Variants in P2RX3 observed in about 807,000 individuals in gnomAD.
P2RX3 encodes the protein purinergic receptor P2X 3, also known as P2X purinoceptor 3.
P2RX3 carries 41 observed loss-of-function variants against 51.5 expected under a neutral mutation model. The observed-to-expected ratio is 0.80, with a 90% confidence interval of 0.62 to 1.03. P2RX3 has a LOEUF of 1.03. Among genes scored for constraint, P2RX3 ranks in the 50% least tolerant of loss-of-function variants. P2RX3 has a pLI of 0.00. For missense variants in P2RX3, 459 were observed against 522.1 expected (o/e 0.88, Z 1.18); for synonymous variants, 185 against 191.6 (o/e 0.97, Z 0.29).
chr11:57,363,335 A>G (rs1410528942), intron 8 of P2RX3, among the ~76,000 whole-genome samples: 2 of 152,128 alleles, frequency 1.3e-5, no homozygotes, highest in Non-Finnish European at 2.9e-5. Flanking sequence ...ATAACAAACA[A>G]ACCCCTCATT....
intron 8 of P2RX3, among the ~76,000 whole-genome samples, chr11:57,352,740 C>T (rs572260737): frequency 1.9e-4 from 29 of 152,230 alleles, no homozygotes; most frequent in South Asian, 4.1e-4. Flanking sequence ...CAGAAGGATG[C>T]GGGATAGACC....
At chr11:57,338,139 T>C (rs1322330250), upstream of P2RX3, among the ~76,000 whole-genome samples, 2 of 151,542 alleles carry the variant, frequency 1.3e-5, no homozygotes, top group African/African-American at 4.9e-5. Context: ...TTAGGGAGAG[T>C]GTGAGCAGCT....
chr11:57,338,442 TA>T lies in P2RX3; in HGVS notation c.-107del. On this transcript the variant is annotated 5_prime_UTR_variant, in exon 1 of 12. Coordinates refer to ENST00000263314, the MANE Select transcript of P2RX3 (RefSeq NM_002559.5). Reference sequence around the variant, plus strand: ...AGGCTCCCCATTCCTCCAACCCCTCTAAGCTGCCCCCTCCAGGTCGTGATCT... The same window carrying T: ...AGGCTCCCCATTCCTCCAACCCCTCTAGCTGCCCCCTCCAGGTCGTGATCT... 1.5e-6 allele frequency: 1 copy of T among 654,548 alleles called. No individual in the cohort carries two copies. The highest frequency in any genetic ancestry group is 2.7e-6 in the Non-Finnish European group (1 of 366,488). The allele number at this position is 654,548 out of a possible 1,614,324, so 40.5% of individuals were successfully genotyped here.
chr11:57,348,402 C>A, intron 5 of P2RX3, 139 bp downstream of exon 5: 1 of 868,142 alleles, frequency 1.2e-6, no homozygotes, highest in South Asian at 1.8e-5. Flanking sequence ...GGGGGGTGGC[C>A]TCAGGCCCAG....
chr11:57,361,162 T>C (rs1337754388), intron 8 of P2RX3, among the ~76,000 whole-genome samples: 1 of 152,196 alleles, frequency 6.6e-6, no homozygotes, highest in African/African-American at 2.4e-5. Context: ...TTCCAGCTGC[T>C]TCAGAAACAC....
At position 57,350,902 on chromosome 11, in the gene P2RX3, A is replaced by C; in HGVS notation, c.842+4A>C. 1 of 1,614,112 alleles carries C rather than the reference A, an allele frequency of 6.2e-7. No homozygotes were observed. The highest frequency in any genetic ancestry group is 8.5e-7 in the Non-Finnish European group (1 of 1,180,028). On this transcript the variant is annotated splice_donor_region_variant and intron_variant, in intron 8 of 11. Coordinates refer to ENST00000263314, the MANE Select transcript of P2RX3 (RefSeq NM_002559.5). ...TGTCCCCAGGCTACAACTTCAGGTA[A>C]TTCCCTGTCTCCTGGGACACCAGGA...
In P2RX3 at chr11:57,339,550, T is replaced by C. The variant is rs554752947; in HGVS notation, c.119+881T>C. On this transcript the variant is annotated intron_variant, in intron 1 of 11. Coordinates refer to ENST00000263314, the MANE Select transcript of P2RX3 (RefSeq NM_002559.5). ...ACACACACACACGCACACAAAGGGC[T>C]GTGGAGCAGACAATGGCTGGGGAAG... Among the ~76,000 whole-genome samples the C allele has an allele frequency of 2.6e-5, 4 of 152,190 alleles. No homozygotes were observed. The South Asian group carries it at 6.2e-4, about 24-fold the overall frequency.
chr11:57,354,008 TG>T (rs751428428), intron 8 of P2RX3, among the ~76,000 whole-genome samples: 4 of 152,130 alleles, frequency 2.6e-5, no homozygotes, highest in Non-Finnish European at 5.9e-5. Flanking sequence ...CAAAGGTCAT[TG>T]GATCTCAACT....
intron 8 of P2RX3, among the ~76,000 whole-genome samples, chr11:57,362,626 A>C (rs1035110622): frequency 1.3e-5 from 2 of 152,230 alleles, no homozygotes; most frequent in African/African-American, 4.8e-5. Flanking sequence ...AAGCAACAAA[A>C]GAACAGTGTA....
intron 8 of P2RX3, among the ~76,000 whole-genome samples, chr11:57,353,835 A>ACCCCCC (rs1565067528): frequency 5.9e-5 from 1 of 17,022 alleles, no homozygotes. Context: ...TCCAAATGTC[A>ACCCCCC]CTCCCCCCCC....
At chr11:57,351,098 C>T (rs892393654) in intron 8 of P2RX3, among the ~76,000 whole-genome samples, 200 bp downstream of exon 8, 1 of 152,170 alleles carries the variant, frequency 6.6e-6, no homozygotes, top group Non-Finnish European at 1.5e-5. Flanking sequence ...GTCTCCTTAT[C>T]ACTGAAGGGG....
At chr11:57,365,855 T>A (rs1856789571) in intron 8 of P2RX3, among the ~76,000 whole-genome samples, 1 of 152,254 alleles carries the variant, frequency 6.6e-6, no homozygotes, top group African/African-American at 2.4e-5. Context: ...AATCCCTCAA[T>A]GACTGATTCA....
At chr11:57,348,827 C>T in intron 6 of P2RX3, 123 bp downstream of exon 6, 1 of 651,438 alleles carries the variant, frequency 1.5e-6, no homozygotes. Flanking sequence ...ACTGACCCAT[C>T]TCCCTGGGCC....
At chr11:57,354,130 T>C (rs959444451) in intron 8 of P2RX3, among the ~76,000 whole-genome samples, 1 of 152,086 alleles carries the variant, frequency 6.6e-6, no homozygotes, top group Admixed American at 6.5e-5. Context: ...GCAAGCAAAG[T>C]GGCCTGCTCC....
At position 57,338,457 on chromosome 11, in the gene P2RX3, A is replaced by G. The variant is rs80281473; in HGVS notation, c.-94A>G. The G allele has an allele frequency of 2.4e-3, 1,801 of 745,764 alleles. 40 individuals carry two copies. The East Asian group carries it at 0.04, about 17-fold the overall frequency. 46.2% of individuals were successfully genotyped at this position (745,764 alleles called of 1,614,324 possible). ...CCAACCCCTCTAAGCTGCCCCCTCC[A>G]GGTCGTGATCTCGTCTCCCTGTCCT... On this transcript the variant is annotated 5_prime_UTR_variant, in exon 1 of 12. Transcript: ENST00000263314.
intron 1 of P2RX3, among the ~76,000 whole-genome samples, chr11:57,344,655 C>T (rs1448026244): frequency 6.6e-6 from 1 of 152,058 alleles, no homozygotes. Context: ...GCCGAGATGG[C>T]GCCAGTGCCT....
intron 10 of P2RX3, among the ~76,000 whole-genome samples, chr11:57,368,935 C>A (rs1383360695): frequency 5.9e-5 from 9 of 152,114 alleles, no homozygotes; most frequent in African/African-American, 1.7e-4. Context: ...TAAGAGGGAA[C>A]ATCATTCAGT....
intron 8 of P2RX3, among the ~76,000 whole-genome samples, chr11:57,367,507 G>C (rs1029393305): frequency 6.6e-6 from 1 of 152,176 alleles, no homozygotes; most frequent in Non-Finnish European, 1.5e-5. Flanking sequence ...GATCACTTGA[G>C]GTCAGGAGTT....
chr11:57,345,253 G>A (rs1056628774), intron 1 of P2RX3, among the ~76,000 whole-genome samples: 17 of 152,062 alleles, frequency 1.1e-4, no homozygotes, highest in African/African-American at 2.7e-4. Flanking sequence ...TTCCAACCTC[G>A]TGCCACCCTG....
Sources: allele counts gnomAD v4.1 joint callset (sites outside exome capture counted in the v4.1 genomes callset), GRCh38; gene constraint gnomAD v4.1.1; transcripts MANE v1.5; gene names NCBI Gene and HGNC (gene_info 2026-07-23, HGNC 2026-07-21).